Variants in ADAM2 observed in about 807,000 individuals in gnomAD.
The protein encoded by ADAM2 is disintegrin and metalloproteinase domain-containing protein 2.
In ADAM2, 101 loss-of-function variants were observed where a neutral mutation model predicts 99.3. The observed-to-expected ratio is 1.02, with a 90% CI of 0.87 to 1.20. The LOEUF (loss-of-function observed/expected upper bound fraction) is 1.20. Ranked by LOEUF, ADAM2 falls within the 50% of genes most tolerant of loss-of-function variation. The pLI is 0.00. For missense variants in ADAM2, 948 were observed against 878.7 expected, an observed-to-expected ratio of 1.08 and a Z score of -1.00; for synonymous variants, 323 against 287.6, an observed-to-expected ratio of 1.12 and a Z score of -1.25.
chr8:39,810,392 A>G (rs1804645326), intron 6 of ADAM2, among the ~76,000 whole-genome samples: 1 of 152,210 alleles, frequency 6.6e-6, no homozygotes, highest in South Asian at 2.1e-4. Flanking sequence ...GAACGTTAAC[A>G]AGGATATCCA....
At chr8:39,791,725 A>G (rs552595818) in intron 7 of ADAM2, among the ~76,000 whole-genome samples, 9 of 152,196 alleles carry the variant, frequency 5.9e-5, no homozygotes, top group Admixed American at 5.9e-4. Context: ...TCCATTAGAC[A>G]GACAAGGGCT....
At chr8:39,795,989 G>A (rs930284486) in intron 7 of ADAM2, among the ~76,000 whole-genome samples, 3 of 151,932 alleles carry the variant, frequency 2.0e-5, no homozygotes, top group African/African-American at 7.3e-5. Context: ...AGTAGAAATG[G>A]GGAAGCTGTA....
chr8:39,837,489 C>A (rs939481041), intron 1 of ADAM2, among the ~76,000 whole-genome samples: 5 of 151,900 alleles, frequency 3.3e-5, no homozygotes, highest in African/African-American at 4.8e-5. Flanking sequence ...CGGTTTCAAG[C>A]GATTCCCCTG....
At chr8:39,787,172 C>G (rs3779718) in intron 9 of ADAM2, 117 bp from the exon 10 acceptor site, 266,890 of 538,826 alleles carry the variant, frequency 0.5, 67,601 homozygotes, top group South Asian at 0.66. Context: ...ATTAATGTAA[C>G]ATAGCATAAG....
chr8:39,800,852 G>A (rs751879377), intron 7 of ADAM2, among the ~76,000 whole-genome samples: 17 of 152,074 alleles, frequency 1.1e-4, no homozygotes, highest in Non-Finnish European at 2.1e-4. Context: ...CGAAGTTCTC[G>A]TGCTGTGTTT....
intron 13 of ADAM2, 49 bp downstream of exon 13, chr8:39,767,104 T>C: frequency 1.3e-6 from 2 of 1,597,338 alleles, no homozygotes; most frequent in Non-Finnish European, 1.7e-6. Flanking sequence ...AGCATAATAA[T>C]GATAACTACT....
At chr8:39,807,667 C>G (rs1159730997) in intron 7 of ADAM2, among the ~76,000 whole-genome samples, 1 of 152,006 alleles carries the variant, frequency 6.6e-6, no homozygotes, top group African/African-American at 2.4e-5. Context: ...AGGAAGACAG[C>G]CCTCACCAGA....
chr8:39,806,088 G>A (rs1804424615), intron 7 of ADAM2, among the ~76,000 whole-genome samples: 1 of 152,144 alleles, frequency 6.6e-6, no homozygotes. Context: ...ACTTGCCTGA[G>A]TGAAAACTGC....
At chr8:39,803,254 T>C (rs1216726249) in intron 7 of ADAM2, among the ~76,000 whole-genome samples, 1 of 152,180 alleles carries the variant, frequency 6.6e-6, no homozygotes, top group Non-Finnish European at 1.5e-5. Context: ...AAAGAAAACA[T>C]GGCAGGCCTA....
intron 18 of ADAM2, among the ~76,000 whole-genome samples, chr8:39,748,461 A>G (rs1437256757): frequency 6.6e-6 from 1 of 152,220 alleles, no homozygotes; most frequent in Admixed American, 6.5e-5. Context: ...ATCTATTACT[A>G]TATAACATTA....
intron 16 of ADAM2, among the ~76,000 whole-genome samples, chr8:39,753,503 G>A (rs939114225): frequency 6.6e-6 from 1 of 152,040 alleles, no homozygotes; most frequent in Non-Finnish European, 1.5e-5. Flanking sequence ...GGAGTCAAAT[G>A]TTAGTCATCA....
chr8:39,809,650 C>T (rs1200367977), intron 6 of ADAM2, among the ~76,000 whole-genome samples, 184 bp from the exon 7 acceptor site: 1 of 152,018 alleles, frequency 6.6e-6, no homozygotes, highest in African/African-American at 2.4e-5. Flanking sequence ...CTTTTCTGTA[C>T]CTAATCAATT....
intron 16 of ADAM2, among the ~76,000 whole-genome samples, chr8:39,754,602 T>G (rs1292717999): frequency 1.3e-5 from 2 of 152,212 alleles, no homozygotes; most frequent in Non-Finnish European, 2.9e-5. Flanking sequence ...ACATTTTGTG[T>G]GAGAATTTGA....
intron 7 of ADAM2, among the ~76,000 whole-genome samples, chr8:39,808,189 T>TACACAC (rs144114156): frequency 0.03 from 4,348 of 146,060 alleles, 94 homozygotes; most frequent in East Asian, 0.068. Context: ...TCCTAAGGAA[T>TACACAC]ACACACACAC....
chr8:39,790,785 T>C (rs189902273), intron 7 of ADAM2, among the ~76,000 whole-genome samples: 1 of 152,068 alleles, frequency 6.6e-6, no homozygotes, highest in East Asian at 1.9e-4. Context: ...AGATCAGTGG[T>C]ACATCTCTCC....
intron 7 of ADAM2, among the ~76,000 whole-genome samples, chr8:39,807,961 C>T (rs937586700): frequency 6.6e-6 from 1 of 152,118 alleles, no homozygotes; most frequent in Admixed American, 6.6e-5. Context: ...AACAACACAG[C>T]AGCTAATATT....
At chr8:39,789,644 C>G (rs1354766773) in intron 7 of ADAM2, among the ~76,000 whole-genome samples, 1 of 151,692 alleles carries the variant, frequency 6.6e-6, no homozygotes, top group Non-Finnish European at 1.5e-5. Flanking sequence ...CTAACATTTA[C>G]AGTCAATTAA....
intron 7 of ADAM2, among the ~76,000 whole-genome samples, chr8:39,796,054 T>A (rs903463799): frequency 6.6e-6 from 1 of 151,742 alleles, no homozygotes; most frequent in Non-Finnish European, 1.5e-5. Flanking sequence ...TATTAGATTC[T>A]CTTTTTTTTT....
chr8:39,826,525 C>T (rs772979697), intron 3 of ADAM2, among the ~76,000 whole-genome samples: 25 of 151,584 alleles, frequency 1.6e-4, no homozygotes, highest in Non-Finnish European at 3.1e-4. Context: ...AGATTGAGAC[C>T]ATCCTGGCTA....
Sources: gnomAD v4.1 joint callset for allele counts (sites outside exome capture counted in the v4.1 genomes callset) on GRCh38, gnomAD v4.1.1 for gene constraint, MANE v1.5 for transcripts, NCBI Gene and HGNC (gene_info 2026-07-23, HGNC 2026-07-21) for gene names.